GRM1: variants seen among roughly 807,000 people sequenced by gnomAD.
GRM1 encodes the protein glutamate metabotropic receptor 1.
Under a neutral mutation model 90.9 loss-of-function variants are expected in GRM1, and 33 were observed. That is an observed-to-expected ratio of 0.36 (90% CI 0.28 to 0.49). The LOEUF is 0.49. Among genes scored for constraint, GRM1 ranks in the 20% least tolerant of loss-of-function variants. The probability of loss-of-function intolerance (pLI) is 0.99; values close to 1 mark genes in which losing one functional copy is unlikely to be tolerated. For missense variants in GRM1, 1,190 were observed against 1,534.3 expected (o/e 0.78, Z 3.75); for synonymous variants, 700 against 613.2 (o/e 1.14, Z -2.09).
intron 3 of GRM1, among the ~76,000 whole-genome samples, chr6:146,333,580 A>T (rs1784660152): frequency 6.6e-6 from 1 of 152,192 alleles, no homozygotes; most frequent in South Asian, 2.1e-4. Flanking sequence ...TCTAATTATC[A>T]GCCTGATATA....
At chr6:146,212,512 T>C (rs1779716436) in intron 2 of GRM1, among the ~76,000 whole-genome samples, 1 of 152,234 alleles carries the variant, frequency 6.6e-6, no homozygotes, top group Non-Finnish European at 1.5e-5. Context: ...GCTCCAGGCC[T>C]ATAAATATCA....
chr6:146,041,708 A>C (rs1160178683), intron 1 of GRM1, among the ~76,000 whole-genome samples: 1 of 151,890 alleles, frequency 6.6e-6, no homozygotes, highest in Admixed American at 6.6e-5. Context: ...CTGTGGCTTC[A>C]AGGATCTTCA....
intron 6 of GRM1, among the ~76,000 whole-genome samples, chr6:146,397,709 G>T (rs767112666): frequency 4.6e-5 from 7 of 151,986 alleles, no homozygotes; most frequent in Non-Finnish European, 1.0e-4. Flanking sequence ...TGATTAGTTG[G>T]CACTCATTTA....
intron 1 of GRM1, among the ~76,000 whole-genome samples, chr6:146,119,737 G>A (rs1393571983): frequency 6.6e-6 from 1 of 152,190 alleles, no homozygotes; most frequent in African/African-American, 2.4e-5. Flanking sequence ...GTTTGTCAAA[G>A]ACCAGATGGT....
intron 1 of GRM1, among the ~76,000 whole-genome samples, chr6:146,045,132 T>C (rs890473436): frequency 2.0e-5 from 3 of 151,978 alleles, no homozygotes; most frequent in Non-Finnish European, 4.4e-5. Context: ...TCCTGCAAAA[T>C]CGTTTATATA....
At chr6:146,412,498 C>T (rs1777608140) in intron 7 of GRM1, among the ~76,000 whole-genome samples, 1 of 152,134 alleles carries the variant, frequency 6.6e-6, no homozygotes, top group Non-Finnish European at 1.5e-5. Context: ...TTCTGCTTAT[C>T]ACACTACCCA....
intron 2 of GRM1, among the ~76,000 whole-genome samples, chr6:146,281,927 A>T (rs943291846): frequency 6.6e-5 from 10 of 152,316 alleles, no homozygotes; most frequent in Middle Eastern, 3.4e-3. Context: ...GGATAAATAA[A>T]CTGTTATGAT....
At chr6:146,140,448 T>C (rs988447038) in intron 1 of GRM1, among the ~76,000 whole-genome samples, 2 of 151,990 alleles carry the variant, frequency 1.3e-5, no homozygotes, top group African/African-American at 2.4e-5. Flanking sequence ...TTTGTATTTT[T>C]ACTAGAGATG....
chr6:146,058,572 G>C (rs1364207484), intron 1 of GRM1, among the ~76,000 whole-genome samples: 1 of 152,024 alleles, frequency 6.6e-6, no homozygotes, highest in African/African-American at 2.4e-5. Flanking sequence ...CTGAATGTTG[G>C]GGTGGCTGTG....
At chr6:146,156,265 G>A (rs1204092307) in intron 1 of GRM1, among the ~76,000 whole-genome samples, 1 of 152,138 alleles carries the variant, frequency 6.6e-6, no homozygotes, top group Non-Finnish European at 1.5e-5. Context: ...AATTAGCCAG[G>A]TGTGGTGGCA....
rs370752444 is a variant in GRM1, at chr6:146,029,664, C to T, written c.147C>T (p.Ala49=). Residue 49 remains alanine, a synonymous_variant, in exon 1 of 8, where the codon GCC becomes GCT. Coordinates refer to ENST00000282753, the MANE Select transcript of GRM1 (RefSeq NM_001278064.2). The part of the protein sequence containing the change: ...ARMDGDVIIG[A]LFSVHHQPPA... ...TGGACGGAGATGTCATCATTGGAGC[C>T]CTCTTCTCAGTCCATCACCAGCCTC... 229 of 1,613,966 alleles carry T rather than the reference C, an allele frequency of 1.4e-4. No homozygotes were observed. The highest frequency in any genetic ancestry group is 1.9e-4 in the Non-Finnish European group (220 of 1,180,020).
At chr6:146,059,718 A>G (rs947695194) in intron 1 of GRM1, among the ~76,000 whole-genome samples, 6 of 152,156 alleles carry the variant, frequency 3.9e-5, no homozygotes, top group Non-Finnish European at 5.9e-5. Flanking sequence ...TCTTATGTAG[A>G]TCTTGATAAC....
chr6:146,212,083 T>C (rs1436017007), intron 2 of GRM1, among the ~76,000 whole-genome samples: 1 of 152,200 alleles, frequency 6.6e-6, no homozygotes, highest in Non-Finnish European at 1.5e-5. Context: ...GCCTCAACTC[T>C]ACTTTAACAT....
chr6:146,338,337 G>T (rs1298415776), intron 3 of GRM1, among the ~76,000 whole-genome samples: 1 of 152,166 alleles, frequency 6.6e-6, no homozygotes, highest in Non-Finnish European at 1.5e-5. Context: ...GAAGTTACTT[G>T]CATCTAACAA....
At chr6:146,314,180 CCTCAAT>C (rs2114951617) in intron 3 of GRM1, among the ~76,000 whole-genome samples, 1 of 145,598 alleles carries the variant, frequency 6.9e-6, no homozygotes, top group South Asian at 2.2e-4. Flanking sequence ...GATTCTCCTG[CCTCAAT>C]CTCACGAGTA....
intron 2 of GRM1, among the ~76,000 whole-genome samples, chr6:146,237,970 T>A (rs957912204): frequency 6.6e-6 from 1 of 152,180 alleles, no homozygotes; most frequent in South Asian, 2.1e-4. Flanking sequence ...CACCTCCAGG[T>A]ATTGGTTGTT....
At chr6:146,253,717 C>T (rs1010405461) in intron 2 of GRM1, among the ~76,000 whole-genome samples, 2 of 152,102 alleles carry the variant, frequency 1.3e-5, no homozygotes, top group Non-Finnish European at 2.9e-5. Flanking sequence ...CTGAAGTGAA[C>T]AGAAAATTGT....
At chr6:146,207,435 G>T (rs780200198) in intron 2 of GRM1, among the ~76,000 whole-genome samples, 4 of 152,104 alleles carry the variant, frequency 2.6e-5, no homozygotes, top group Admixed American at 6.5e-5. Flanking sequence ...TTTTAACGGG[G>T]TTGTTTGTTT....
chr6:146,123,393 A>T (rs1383968412), intron 1 of GRM1, among the ~76,000 whole-genome samples: 1 of 152,048 alleles, frequency 6.6e-6, no homozygotes, highest in African/African-American at 2.4e-5. Flanking sequence ...GACCAGGCAA[A>T]CCTTCTTCTA....
Sources: allele counts gnomAD v4.1 joint callset (sites outside exome capture counted in the v4.1 genomes callset), GRCh38; gene constraint gnomAD v4.1.1; transcripts MANE v1.5; gene names NCBI Gene and HGNC (gene_info 2026-07-23, HGNC 2026-07-21).